The following ZC3H12D variants were observed in gnomAD, a reference collection of about 807,000 sequenced individuals.
ZC3H12D encodes zinc finger CCCH-type containing 12D.
A neutral mutation model predicts 24.2 loss-of-function variants in ZC3H12D; 11 were observed. The ratio of observed to expected loss-of-function variants is 0.46; its 90% CI spans 0.29 to 0.75. The LOEUF is 0.75. Among genes scored for constraint, ZC3H12D ranks in the 30% least tolerant of loss-of-function variants. The probability of loss-of-function intolerance (pLI) is 0.11; values close to 1 mark genes in which losing one functional copy is unlikely to be tolerated. For synonymous variants in ZC3H12D, 333 were observed against 341.8 expected (o/e 0.97, Z 0.28); for missense variants, 740 against 767.7 (o/e 0.96, Z 0.43).
At chr6:149,473,550 C>G (rs1378978839) in intron 2 of ZC3H12D, among the ~76,000 whole-genome samples, 1 of 152,198 alleles carries the variant, frequency 6.6e-6, no homozygotes, top group Non-Finnish European at 1.5e-5. Flanking sequence ...AGGCAGATAA[C>G]AACTCGGGCG....
chr6:149,451,373 C>A lies in ZC3H12D; in HGVS notation c.894G>T (p.Arg298=). 1 of 1,542,502 alleles carries A rather than the reference C, an allele frequency of 6.5e-7. No homozygotes were observed. The highest frequency in any genetic ancestry group is 8.6e-7 in the Non-Finnish European group (1 of 1,156,690). ...ADELRAKTGA[R]PGAGAEEQRP... is the part of the protein sequence containing the mutation. Reference sequence around the variant, plus strand: ...GCTGCTCCTCGGCGCCCGCGCCAGGCCGGGCCCCTGTCTTGGCGCGGAGCT... The same window carrying A: ...GCTGCTCCTCGGCGCCCGCGCCAGGACGGGCCCCTGTCTTGGCGCGGAGCT... Residue 298 remains arginine, a synonymous_variant, in exon 6 of 6, where the codon CGG becomes CGT. Transcript: ENST00000409806.
chr6:149,451,422 T>C lies in ZC3H12D; in HGVS notation c.845A>G (p.His282Arg), dbSNP rs1775893425. 2.5e-6 allele frequency: 4 copies of C among 1,571,206 alleles called. No individual in the cohort carries two copies. Among genetic ancestry groups the C allele is most frequent in the Non-Finnish European group, 3.4e-6 (4 of 1,168,680 alleles). The change falls in exon 6 of 6, where the codon CAC (histidine) becomes CGC (arginine). Residue 282 changes from histidine to arginine, a missense_variant. Coordinates refer to ENST00000409806, the MANE Select transcript of ZC3H12D (RefSeq NM_207360.3). ...CTCGTCGGCCACCGCCAGTTGCGCG[T>C]GGTGCGGCCTCTCCGGGTGGTAGAA... ...CKFYHPERPH[H>R]AQLAVADELR...
intron 2 of ZC3H12D, among the ~76,000 whole-genome samples, chr6:149,465,704 G>A (rs1239945173): frequency 6.7e-6 from 1 of 149,608 alleles, no homozygotes; most frequent in East Asian, 2.0e-4. Flanking sequence ...ACAGTGAGCT[G>A]AGATCGCACC....
In ZC3H12D at chr6:149,452,318, A is replaced by G; in HGVS notation, c.787+298T>C. Reference sequence around the variant, plus strand: ...CCAGGGGCCAGGTGAAGGGACTGAGACCCGCAGCTGGGTTTGTGTCCAGGC... The same window carrying G: ...CCAGGGGCCAGGTGAAGGGACTGAGGCCCGCAGCTGGGTTTGTGTCCAGGC... On this transcript the variant is annotated intron_variant, in intron 5 of 5. Coordinates refer to ENST00000409806, the MANE Select transcript of ZC3H12D (RefSeq NM_207360.3). The surrounding 1 kb of genome is among the most constrained non-coding windows in gnomAD (Gnocchi z 4.0). 2 of 324,200 alleles carry G rather than the reference A, an allele frequency of 6.2e-6. No homozygotes were observed. Among genetic ancestry groups the G allele is most frequent in the Non-Finnish European group, 1.1e-5 (2 of 177,970 alleles). 20.1% of individuals were successfully genotyped at this position (324,200 alleles called of 1,614,324 possible).
chr6:149,474,565 C>G lies in ZC3H12D; in HGVS notation c.-22G>C. 2 of 1,458,012 alleles carry G rather than the reference C, an allele frequency of 1.4e-6. No individual in the cohort carries two copies. Among genetic ancestry groups the G allele is most frequent in the East Asian group, 4.8e-5 (2 of 41,420 alleles). The allele number at this position is 1,458,012 out of a possible 1,614,324, so 90.3% of individuals were successfully genotyped here. A position where few individuals can be genotyped will look rare whatever the true frequency, so the allele number is the denominator to read the frequency against. ...CCATGCTGTGCCCAGCGGCCACTGG[C>G]GCAGGTCCTGCCCCAGGCTTCCTCC... On this transcript the variant is annotated 5_prime_UTR_variant, in exon 2 of 6. Coordinates refer to ENST00000409806, the MANE Select transcript of ZC3H12D (RefSeq NM_207360.3).
intron 2 of ZC3H12D, among the ~76,000 whole-genome samples, chr6:149,462,276 G>A (rs1237057404): frequency 6.6e-6 from 1 of 151,956 alleles, no homozygotes; most frequent in Non-Finnish European, 1.5e-5. Flanking sequence ...CTGGAGGCTG[G>A]GGCAGGAAAA....
chr6:149,460,077 C>G (rs1203992370), intron 3 of ZC3H12D, among the ~76,000 whole-genome samples: 2 of 152,222 alleles, frequency 1.3e-5, no homozygotes, highest in African/African-American at 4.8e-5. Context: ...GGTGGAAACA[C>G]TCTTCTGTGC....
At chr6:149,480,430 T>G (rs956339197) in intron 1 of ZC3H12D, among the ~76,000 whole-genome samples, 23 of 151,790 alleles carry the variant, frequency 1.5e-4, no homozygotes, top group African/African-American at 5.1e-4. Flanking sequence ...TAAGTGGGAG[T>G]GAAACACGGA....
rs1775882823 is a variant in ZC3H12D at position 149,451,021 on chromosome 6, C to G, written c.1246G>C (p.Glu416Gln). 6.9e-7 allele frequency: 1 copy of G among 1,446,880 alleles called. No homozygotes were observed. The highest frequency in any genetic ancestry group is 9.0e-7 in the Non-Finnish European group (1 of 1,106,038). The allele number at this position is 1,446,880 out of a possible 1,614,324, so 89.6% of individuals were successfully genotyped here. A position where few individuals can be genotyped will look rare whatever the true frequency, so the allele number is the denominator to read the frequency against. Residue 416 changes from glutamate (E) to glutamine (Q), a missense_variant, in exon 6 of 6, where the codon GAA becomes CAA. Glu to Gln is a conservative substitution (Grantham distance 29). Transcript: ENST00000409806. ...CCGTGCAGGTCCCTAGGGCGGTGTT[C>G]GCCCCGCGGCTGGAGCTGCAGGCCG... is the stretch of plus-strand genomic sequence containing the variant. ...PPGLQLQPRG[E>Q]HRPRDLHGDL... is the part of the protein sequence containing the mutation.
intron 3 of ZC3H12D, among the ~76,000 whole-genome samples, chr6:149,458,118 T>C (rs1364708343): frequency 7.7e-6 from 1 of 130,000 alleles, no homozygotes; most frequent in Non-Finnish European, 1.5e-5. Context: ...TTTCTTTTTT[T>C]TTTTCGTTTC....
At chr6:149,465,558 T>A (rs1776144828) in intron 2 of ZC3H12D, among the ~76,000 whole-genome samples, 1 of 151,800 alleles carries the variant, frequency 6.6e-6, no homozygotes, top group South Asian at 2.1e-4. Flanking sequence ...ATCGAGAGCA[T>A]CCTGGCTAAC....
chr6:149,463,706 G>A (rs73779368), intron 2 of ZC3H12D, among the ~76,000 whole-genome samples: 3,670 of 152,254 alleles, frequency 0.024, 107 homozygotes, highest in South Asian at 0.11. Context: ...AAAAATTGAC[G>A]GTGACTTGGA....
chr6:149,457,793 C>T (rs1776007720), intron 3 of ZC3H12D, among the ~76,000 whole-genome samples: 1 of 152,146 alleles, frequency 6.6e-6, no homozygotes, highest in Non-Finnish European at 1.5e-5. Flanking sequence ...AAAAAAAATC[C>T]GTTTGACACA....
rs1269472052 is a variant in ZC3H12D at position 149,449,181 on chromosome 6, A to G, written c.*1502T>C. 1 of 152,260 alleles carries G rather than the reference A, an allele frequency of 6.6e-6. No individual in the cohort carries two copies. The highest frequency in any genetic ancestry group is 1.5e-5 in the Non-Finnish European group (1 of 68,056). The allele number at this position is 152,260 out of a possible 1,614,324, so 9.4% of individuals were successfully genotyped here. ...CTCAAACCCAGAGCAGTAGCTGGCT[A>G]GAAGAAACGGCACCAGGAAGGTGGC... On this transcript the variant is annotated 3_prime_UTR_variant, in exon 6 of 6. Coordinates refer to ENST00000409806, the MANE Select transcript of ZC3H12D (RefSeq NM_207360.3).
intron 3 of ZC3H12D, among the ~76,000 whole-genome samples, chr6:149,458,385 T>G (rs1776021288): frequency 6.6e-6 from 1 of 152,054 alleles, no homozygotes; most frequent in Non-Finnish European, 1.5e-5. Flanking sequence ...TCCACCCACC[T>G]CAACCTCCCA....
intron 1 of ZC3H12D, 29 bp from the exon 2 acceptor site, chr6:149,474,642 G>T: frequency 8.4e-7 from 1 of 1,195,882 alleles, no homozygotes; most frequent in Non-Finnish European, 1.1e-6. Context: ...CATCCATCAG[G>T]TGTTTCCTGG....
At chr6:149,473,636 G>T (rs2115011641) in intron 2 of ZC3H12D, among the ~76,000 whole-genome samples, 1 of 152,238 alleles carries the variant, frequency 6.6e-6, no homozygotes, top group East Asian at 1.9e-4. Flanking sequence ...AGCTCAGGGG[G>T]CCACAAACAA....
chr6:149,460,641 C>T (rs931245720), intron 3 of ZC3H12D, among the ~76,000 whole-genome samples: 2 of 152,004 alleles, frequency 1.3e-5, no homozygotes, highest in Admixed American at 6.6e-5. Context: ...TCAAGACCAG[C>T]CAACATGATG....
intron 1 of ZC3H12D, among the ~76,000 whole-genome samples, chr6:149,480,787 C>T (rs1022879308): frequency 6.6e-5 from 10 of 152,154 alleles, no homozygotes; most frequent in Middle Eastern, 3.4e-3. Context: ...GTCTTATCTT[C>T]CTTGGAGGGG....
Sources: allele counts gnomAD v4.1 joint callset (sites outside exome capture counted in the v4.1 genomes callset), GRCh38; gene constraint gnomAD v4.1.1; non-coding constraint Gnocchi (gnomAD v3.1); transcripts MANE v1.5; gene names NCBI Gene and HGNC (gene_info 2026-07-23, HGNC 2026-07-21).